ITGB8: variants seen among roughly 807,000 people sequenced by gnomAD.
ITGB8 encodes integrin beta-8.
In ITGB8, 30 loss-of-function variants were observed where a neutral mutation model predicts 89.5. That is an observed-to-expected ratio of 0.34 (90% confidence interval 0.25 to 0.45). The LOEUF (loss-of-function observed/expected upper bound fraction) is 0.45. ITGB8 is among the 20% of genes least tolerant of loss of function. The probability of loss-of-function intolerance (pLI) is 1.00; values close to 1 mark genes in which losing one functional copy is unlikely to be tolerated. For synonymous variants in ITGB8, 335 were observed against 320.4 expected (o/e 1.05, Z -0.49); for missense variants, 836 against 933.3 (o/e 0.90, Z 1.36).
chr7:20,366,963 G>C, intron 2 of ITGB8, 49 bp from the exon 3 acceptor site: 1 of 1,287,114 alleles, frequency 7.8e-7, no homozygotes. Flanking sequence ...TTCTTTGGAT[G>C]TAATTGATAT....
At chr7:20,395,232 A>T (rs1306431363) in intron 8 of ITGB8, among the ~76,000 whole-genome samples, 2 of 152,196 alleles carry the variant, frequency 1.3e-5, no homozygotes, top group Admixed American at 1.3e-4. Flanking sequence ...AGGCTATCTA[A>T]ATTTCCTTCT....
chr7:20,338,501 T>C (rs1784648537), intron 1 of ITGB8, among the ~76,000 whole-genome samples: 1 of 151,960 alleles, frequency 6.6e-6, no homozygotes, highest in South Asian at 2.1e-4. Context: ...GGCATGGCAG[T>C]GCGCACCTGT....
At chr7:20,335,601 C>G (rs1046318638) in intron 1 of ITGB8, among the ~76,000 whole-genome samples, 2 of 152,158 alleles carry the variant, frequency 1.3e-5, no homozygotes, top group Non-Finnish European at 2.9e-5. Context: ...ACCTTTTTAT[C>G]TCCTATTTTT....
At chr7:20,404,949 G>A in intron 11 of ITGB8, 96 bp downstream of exon 11, 2 of 1,004,326 alleles carry the variant, frequency 2.0e-6, no homozygotes, top group African/African-American at 1.6e-5. Context: ...CAGATACATT[G>A]TGACCACCAT....
At chr7:20,388,718 T>C (rs527427481) in intron 6 of ITGB8, among the ~76,000 whole-genome samples, 1 of 152,250 alleles carries the variant, frequency 6.6e-6, no homozygotes, top group Admixed American at 6.5e-5. Flanking sequence ...ACACGTGCCA[T>C]GGTGGTTTGC....
intron 3 of ITGB8, among the ~76,000 whole-genome samples, chr7:20,375,255 A>G (rs1217490724): frequency 2.0e-5 from 3 of 152,152 alleles, no homozygotes; most frequent in African/African-American, 7.2e-5. Flanking sequence ...GTCAATTATA[A>G]CTATTTTCCT....
Position 20,345,413 on chromosome 7 carries a change from A to G in ITGB8, c.127+13480A>G, listed in dbSNP as rs141924352. Among the ~76,000 whole-genome samples, 19 of 152,006 alleles carry G rather than the reference A, an allele frequency of 1.2e-4. No homozygotes were observed. In the East Asian group the frequency reaches 3.7e-3, roughly 29 times the overall value. On this transcript the variant is annotated intron_variant, in intron 1 of 13. Transcript: ENST00000222573. ...AAAATAAAAAAAAACATGGTTATACATAATTATCTAGTGTGTTCAAAGGTG... is the reference window on the plus strand; with the variant it reads ...AAAATAAAAAAAAACATGGTTATACGTAATTATCTAGTGTGTTCAAAGGTG...
Position 20,330,915 on chromosome 7 carries a change from C to T in ITGB8, c.-892C>T, listed in dbSNP as rs1275853376. ...TGTGCACCCCAGAGCGCGCCAGCAA[C>T]TCGGGCTCTGGACTGCGGGACGCCT... On this transcript the variant is annotated 5_prime_UTR_variant, in exon 1 of 14. Coordinates refer to ENST00000222573, the MANE Select transcript of ITGB8 (RefSeq NM_002214.3). 6.6e-6 allele frequency: 1 copy of T among 152,502 alleles called. No homozygotes were observed. Among genetic ancestry groups the T allele is most frequent in the Non-Finnish European group, 1.5e-5 (1 of 68,246 alleles). 9.4% of individuals were successfully genotyped at this position (152,502 alleles called of 1,614,324 possible). A position where few individuals can be genotyped will look rare whatever the true frequency, so the allele number is the denominator to read the frequency against.
intron 6 of ITGB8, among the ~76,000 whole-genome samples, chr7:20,387,819 C>T (rs1786689915): frequency 6.6e-6 from 1 of 152,206 alleles, no homozygotes; most frequent in African/African-American, 2.4e-5. Context: ...AATTAACTAT[C>T]AGGACAGATG....
At chr7:20,394,670 C>T (rs954959587) in intron 7 of ITGB8, among the ~76,000 whole-genome samples, 15 of 152,168 alleles carry the variant, frequency 9.9e-5, no homozygotes, top group East Asian at 3.8e-4. Context: ...ACAGTGATTC[C>T]GGATGCACAC....
chr7:20,344,532 A>G (rs1302976065), intron 1 of ITGB8, among the ~76,000 whole-genome samples: 2 of 152,256 alleles, frequency 1.3e-5, no homozygotes, highest in Admixed American at 6.5e-5. Context: ...CTGGAAGAAC[A>G]GAAGTGTCAG....
intron 3 of ITGB8, among the ~76,000 whole-genome samples, chr7:20,374,601 C>G (rs1786061169): frequency 6.6e-6 from 1 of 152,006 alleles, no homozygotes. Context: ...GGGCCCTCAG[C>G]TCAGTTTAGG....
At chr7:20,339,007 C>G (rs2128126349) in intron 1 of ITGB8, among the ~76,000 whole-genome samples, 1 of 152,066 alleles carries the variant, frequency 6.6e-6, no homozygotes, top group South Asian at 2.1e-4. Context: ...GCCTGGTGAA[C>G]AGGGTGAAAC....
upstream of ITGB8, among the ~76,000 whole-genome samples, chr7:20,330,018 T>TTGC (rs1380458421): frequency 6.6e-6 from 1 of 152,206 alleles, no homozygotes; most frequent in Non-Finnish European, 1.5e-5. Flanking sequence ...TCTCCCCGCT[T>TTGC]TGCTGCTGTC....
At chr7:20,332,918 A>G (rs1784455712) in intron 1 of ITGB8, among the ~76,000 whole-genome samples, 1 of 131,398 alleles carries the variant, frequency 7.6e-6, no homozygotes, top group East Asian at 2.3e-4. Context: ...GACTCTTGTC[A>G]TACTTTCTTT....
At chr7:20,342,204 A>G (rs1302623798) in intron 1 of ITGB8, among the ~76,000 whole-genome samples, 1 of 152,246 alleles carries the variant, frequency 6.6e-6, no homozygotes, top group Non-Finnish European at 1.5e-5. Flanking sequence ...TCCAAGTTGT[A>G]TAATATAAAG....
chr7:20,364,118 G>T (rs946030748), intron 2 of ITGB8, among the ~76,000 whole-genome samples: 2 of 152,132 alleles, frequency 1.3e-5, no homozygotes, highest in Admixed American at 6.5e-5. Flanking sequence ...CAAGAGAAAC[G>T]AATCCTAATA....
At chr7:20,368,441 C>G (rs1455791243) in intron 3 of ITGB8, among the ~76,000 whole-genome samples, 1 of 152,156 alleles carries the variant, frequency 6.6e-6, no homozygotes, top group Non-Finnish European at 1.5e-5. Context: ...TTACACATGC[C>G]TCTCTCTTGC....
intron 12 of ITGB8, among the ~76,000 whole-genome samples, chr7:20,408,684 A>G (rs1441481458): frequency 6.6e-6 from 1 of 152,166 alleles, no homozygotes; most frequent in African/African-American, 2.4e-5. Context: ...GGTGAGTTCC[A>G]TGGACTACTT....
Sources: gnomAD v4.1 joint callset for allele counts (sites outside exome capture counted in the v4.1 genomes callset) on GRCh38, gnomAD v4.1.1 for gene constraint, MANE v1.5 for transcripts, NCBI Gene and HGNC (gene_info 2026-07-23, HGNC 2026-07-21) for gene names.